The following RPS6KA2 variants were observed in gnomAD, a reference collection of about 807,000 sequenced individuals.
RPS6KA2 encodes ribosomal protein S6 kinase A2.
Under a neutral mutation model 91.8 loss-of-function variants are expected in RPS6KA2, and 42 were observed. The ratio of observed to expected loss-of-function variants is 0.46; its 90% confidence interval spans 0.36 to 0.59. The LOEUF is 0.59. Among genes scored for constraint, RPS6KA2 ranks in the 20% least tolerant of loss-of-function variants. RPS6KA2 has a pLI of 0.00. For synonymous variants in RPS6KA2, 414 were observed against 393.6 expected (o/e 1.05, Z -0.61); for missense variants, 798 against 978.5 (o/e 0.82, Z 2.46).
chr6:166,808,422 T>C (rs903537498), intron 2 of RPS6KA2, among the ~76,000 whole-genome samples: 2 of 152,196 alleles, frequency 1.3e-5, no homozygotes, highest in Admixed American at 1.3e-4. Flanking sequence ...TGATTATTAT[T>C]ACTGTTATTG....
intron 5 of RPS6KA2, among the ~76,000 whole-genome samples, chr6:166,505,306 T>A (rs1431414659): frequency 6.6e-6 from 1 of 152,044 alleles, no homozygotes; most frequent in Non-Finnish European, 1.5e-5. Flanking sequence ...GGCCTAAGTG[T>A]CCATGTCCCG....
At chr6:166,525,783 C>T (rs1783004653) in intron 3 of RPS6KA2, among the ~76,000 whole-genome samples, 1 of 152,230 alleles carries the variant, frequency 6.6e-6, no homozygotes, top group South Asian at 2.1e-4. Context: ...ATCCCTGCGG[C>T]TGTTACCATG....
chr6:166,823,863 CAT>C (rs773636575), intron 2 of RPS6KA2, among the ~76,000 whole-genome samples: 2 of 152,176 alleles, frequency 1.3e-5, no homozygotes, highest in East Asian at 1.9e-4. Context: ...TACGATACCA[CAT>C]GTTAGGGAAG....
At chr6:166,549,112 G>A (rs1039099940) in intron 1 of RPS6KA2, among the ~76,000 whole-genome samples, 2 of 152,122 alleles carry the variant, frequency 1.3e-5, no homozygotes, top group Admixed American at 6.5e-5. Context: ...GTGGAGAGCC[G>A]CAATAAAGTA....
chr6:166,559,740 TA>T (rs910747941), intron 1 of RPS6KA2, among the ~76,000 whole-genome samples: 13 of 152,166 alleles, frequency 8.5e-5, no homozygotes, highest in Non-Finnish European at 1.5e-4. Flanking sequence ...TCTGTGTTAT[TA>T]AAAAAAAGTT....
At chr6:166,539,396 T>C (rs1225127989) in intron 1 of RPS6KA2, among the ~76,000 whole-genome samples, 1 of 152,242 alleles carries the variant, frequency 6.6e-6, no homozygotes, top group East Asian at 1.9e-4. Flanking sequence ...GCAGAAGTTC[T>C]GGTACGATGA....
At chr6:166,775,064 A>G (rs888668098) in intron 2 of RPS6KA2, among the ~76,000 whole-genome samples, 1 of 152,152 alleles carries the variant, frequency 6.6e-6, no homozygotes, top group South Asian at 2.1e-4. Context: ...TCCGTTTCTT[A>G]TACTTAATTA....
At chr6:166,817,599 G>C (rs78212189) in intron 2 of RPS6KA2, among the ~76,000 whole-genome samples, 1 of 152,038 alleles carries the variant, frequency 6.6e-6, no homozygotes, top group South Asian at 2.1e-4. Flanking sequence ...TGAAAGAATC[G>C]CACAAGGAGC....
chr6:166,657,036 G>C (rs967657762), intron 2 of RPS6KA2, among the ~76,000 whole-genome samples: 1 of 152,036 alleles, frequency 6.6e-6, no homozygotes, highest in Non-Finnish European at 1.5e-5. Flanking sequence ...TCTCCTAGCT[G>C]CTTCCTCACC....
Position 166,466,347 on chromosome 6 carries a change from C to T in RPS6KA2, c.972+3494G>A, listed in dbSNP as rs140782686. Among the ~76,000 whole-genome samples the T allele has an allele frequency of 1.7e-3, 253 of 152,348 alleles. 1 individual carries two copies. The highest frequency in any genetic ancestry group is 6.0e-3 in the African/African-American group (248 of 41,584). ...ATTAATCTAATGTGTCATAGTTTTC[C>T]AAATCCATCGTATTGTTAAAATTCC... On this transcript the variant is annotated intron_variant, in intron 11 of 20. Coordinates refer to ENST00000265678, the MANE Select transcript of RPS6KA2 (RefSeq NM_021135.6).
rs576276697 is a variant in RPS6KA2 at position 166,577,618 on chromosome 6, C to T, written c.100-38834G>A. Among the ~76,000 whole-genome samples, 12 of 152,286 alleles carry T rather than the reference C, an allele frequency of 7.9e-5. No individual in the cohort carries two copies. In the East Asian group the frequency reaches 2.1e-3, roughly 27 times the overall value. On this transcript the variant is annotated intron_variant, in intron 1 of 20. Coordinates refer to ENST00000265678, the MANE Select transcript of RPS6KA2 (RefSeq NM_021135.6). ...TCCCCTTTGGAACAATAACTGTACC[C>T]CCATTGTATCTAGGAAGTAACTAGC...
chr6:166,805,166 T>A (rs775704239), intron 2 of RPS6KA2, among the ~76,000 whole-genome samples: 1 of 152,234 alleles, frequency 6.6e-6, no homozygotes, highest in Non-Finnish European at 1.5e-5. Flanking sequence ...CAATTTTACC[T>A]CTTGGCGTAG....
intron 1 of RPS6KA2, among the ~76,000 whole-genome samples, chr6:166,543,014 T>C (rs980567022): frequency 1.6e-4 from 25 of 152,050 alleles, no homozygotes; most frequent in African/African-American, 5.6e-4. Context: ...ATTACACAGG[T>C]GGTTTATGAA....
At chr6:166,768,908 C>G (rs1266852020) in intron 2 of RPS6KA2, among the ~76,000 whole-genome samples, 2 of 152,190 alleles carry the variant, frequency 1.3e-5, no homozygotes, top group African/African-American at 2.4e-5. Context: ...GACCCTGTGG[C>G]CACATGGCTC....
chr6:166,693,773 T>C (rs1466373571), intron 2 of RPS6KA2, among the ~76,000 whole-genome samples: 3 of 152,194 alleles, frequency 2.0e-5, no homozygotes, highest in South Asian at 2.1e-4. Context: ...AACAGCTTAA[T>C]TGGAGTCAGC....
intron 13 of RPS6KA2, among the ~76,000 whole-genome samples, chr6:166,450,273 C>G (rs553183356): frequency 1.4e-5 from 2 of 141,780 alleles, no homozygotes; most frequent in African/African-American, 5.3e-5. Flanking sequence ...GAGACCATCA[C>G]GGGTACCACC....
chr6:166,762,957 T>G (rs1272528954), intron 2 of RPS6KA2, among the ~76,000 whole-genome samples: 1 of 152,264 alleles, frequency 6.6e-6, no homozygotes, highest in Non-Finnish European at 1.5e-5. Context: ...CAGTTTCCTT[T>G]GGAAGGCATT....
At chr6:166,593,100 T>C (rs1037999172) in intron 1 of RPS6KA2, among the ~76,000 whole-genome samples, 2 of 152,150 alleles carry the variant, frequency 1.3e-5, no homozygotes, top group African/African-American at 4.8e-5. Context: ...AGAAAGAAGC[T>C]TTCCGATGCA....
At chr6:166,760,228 G>A (rs1425437710) in intron 2 of RPS6KA2, among the ~76,000 whole-genome samples, 1 of 152,244 alleles carries the variant, frequency 6.6e-6, no homozygotes, top group Non-Finnish European at 1.5e-5. Flanking sequence ...GATTTGGAGA[G>A]AGGAAGGTGG....
Sources: gnomAD v4.1 joint callset for allele counts (sites outside exome capture counted in the v4.1 genomes callset) on GRCh38, gnomAD v4.1.1 for gene constraint, MANE v1.5 for transcripts, NCBI Gene and HGNC (gene_info 2026-07-23, HGNC 2026-07-21) for gene names.